The following KDM5B variants were observed in gnomAD, a reference collection of about 807,000 sequenced individuals.
The protein encoded by KDM5B is lysine demethylase 5B, also known as lysine-specific demethylase 5B.
In KDM5B, 144 loss-of-function variants were observed where a neutral mutation model predicts 193.4. The ratio of observed to expected loss-of-function variants is 0.74; its 90% CI spans 0.65 to 0.86. The LOEUF is 0.86. Among genes scored for constraint, KDM5B ranks in the 40% least tolerant of loss-of-function variants. The pLI, the probability that KDM5B is intolerant of heterozygous loss-of-function variation, is 0.00. For synonymous variants in KDM5B, 668 were observed against 682.6 expected (o/e 0.98, Z 0.33); for missense variants, 1,833 against 1,886.9 (o/e 0.97, Z 0.53).
intron 6 of KDM5B, among the ~76,000 whole-genome samples, chr1:202,763,334 T>C (rs986099705): frequency 2.6e-5 from 4 of 152,178 alleles, no homozygotes; most frequent in Non-Finnish European, 5.9e-5. Flanking sequence ...CATAAAGTAT[T>C]TAATCCTTCA....
chr1:202,756,826 T>C (rs1490691270), intron 9 of KDM5B, among the ~76,000 whole-genome samples: 30 of 152,262 alleles, frequency 2.0e-4, no homozygotes, highest in Admixed American at 2.0e-3. Flanking sequence ...CTGAATGACG[T>C]ATAGCACTGT....
chr1:202,784,153 G>C (rs1657313363), intron 1 of KDM5B, among the ~76,000 whole-genome samples: 1 of 152,146 alleles, frequency 6.6e-6, no homozygotes, highest in South Asian at 2.1e-4. Context: ...CTCTGTAGAG[G>C]ATGTGCTATT....
At chr1:202,779,754 G>T (rs12728065) in intron 1 of KDM5B, among the ~76,000 whole-genome samples, 3,396 of 151,242 alleles carry the variant, frequency 0.022, 44 homozygotes, top group Non-Finnish European at 0.035. Context: ...AGTGAGCCAA[G>T]ATCATGCCTT....
chr1:202,729,732 C>T lies in KDM5B; in HGVS notation c.4472G>A (p.Ser1491Asn). Residue 1491 changes from serine (S) to asparagine (N), a missense_variant, in exon 26 of 27, where the codon AGC becomes AAC. By Grantham distance (46) the Ser-to-Asn change is conservative. Transcript: ENST00000367265. ...EDEDAICPAVSCLQPEGDEVD... is the reference protein window; with the variant it reads ...EDEDAICPAVNCLQPEGDEVD... ...CTCATCTCCTTCTGGCTGCAGGCAG[C>T]TCACAGCTGGGCAGATGGCATCTTC... is the stretch of plus-strand genomic sequence containing the variant. 1.2e-6 allele frequency: 2 copies of T among 1,613,878 alleles called. No individual in the cohort carries two copies. Among genetic ancestry groups the T allele is most frequent in the Non-Finnish European group, 1.7e-6 (2 of 1,179,822 alleles).
intron 1 of KDM5B, among the ~76,000 whole-genome samples, chr1:202,791,749 T>C (rs1657651263): frequency 6.6e-6 from 1 of 152,108 alleles, no homozygotes; most frequent in Non-Finnish European, 1.5e-5. Flanking sequence ...GATGGAGTCT[T>C]GCTCTGTCAC....
At position 202,773,141 on chromosome 1, in the gene KDM5B, A is replaced by G. The variant is rs762988065; in HGVS notation, c.553T>C (p.Phe185Leu). The change falls in exon 4 of 27, where the codon TTC becomes CTC. Residue 185 changes from phenylalanine (F) to leucine (L), a missense_variant. This residue lies in a region of KDM5B where 355 missense variants were observed against 374.9 expected (regional missense o/e 0.95). Transcript: ENST00000367265. ...ACCCTTAGGCTGTCTCCGGACAGGA[A>G]TAAGTTGTAGGGGTTGAGAATTCGT... ...YERILNPYNLFLSGDSLRCLQ... is the reference protein window; with the variant it reads ...YERILNPYNLLLSGDSLRCLQ... 1.2e-6 allele frequency: 2 copies of G among 1,613,500 alleles called. No individual in the cohort carries two copies. The highest frequency in any genetic ancestry group is 3.3e-5 in the Admixed American group (2 of 60,010).
At chr1:202,769,040 CT>C (rs527911947) in intron 4 of KDM5B, among the ~76,000 whole-genome samples, 10,337 of 119,506 alleles carry the variant, frequency 0.086, 395 homozygotes, top group African/African-American at 0.13. Flanking sequence ...CTTTTTTTTT[CT>C]TTTTTTTTTT....
At chr1:202,769,109 T>C (rs1401375339) in intron 4 of KDM5B, among the ~76,000 whole-genome samples, 1 of 148,696 alleles carries the variant, frequency 6.7e-6, no homozygotes, top group Non-Finnish European at 1.5e-5. Context: ...CCATCTTGGC[T>C]CACTGCAAGC....
At chr1:202,732,099 G>C (rs1188497453) in intron 23 of KDM5B, 160 bp from the exon 24 acceptor site, 11 of 574,924 alleles carry the variant, frequency 1.9e-5, no homozygotes, top group Non-Finnish European at 3.3e-5. Flanking sequence ...TGGCATTTCA[G>C]AACTGGCCAA....
At chr1:202,808,077 G>T (rs760254375) in intron 1 of KDM5B, 25 bp downstream of exon 1, 3 of 1,604,348 alleles carry the variant, frequency 1.9e-6, no homozygotes, top group Non-Finnish European at 2.6e-6. Flanking sequence ...CCACGAGCTG[G>T]ATCCGGGGTG....
chr1:202,764,050 A>T lies in KDM5B; in HGVS notation c.807T>A (p.Asn269Lys). Residue 269 changes from asparagine (N) to lysine (K), a missense_variant and splice_region_variant, in exon 6 of 27, where the codon AAT becomes AAA. Asn to Lys is a moderately conservative substitution (Grantham distance 94, BLOSUM62 0). Coordinates refer to ENST00000367265, the MANE Select transcript of KDM5B (RefSeq NM_006618.5). ...CTATTCATTGACAAATTTTCTTACC[A>T]TTTTCACATTTTGGAGTTGGACAAC... ...RMGCPTPKCE[N>K]EKEMKSSIKQ... 6.5e-7 allele frequency: 1 copy of T among 1,531,560 alleles called. No homozygotes were observed. The allele number at this position is 1,531,560 out of a possible 1,614,324, so 94.9% of individuals were successfully genotyped here.
At chr1:202,789,235 G>A (rs1415841740) in intron 1 of KDM5B, among the ~76,000 whole-genome samples, 1 of 152,098 alleles carries the variant, frequency 6.6e-6, no homozygotes, top group Admixed American at 6.6e-5. Flanking sequence ...AAAGAAAGAA[G>A]GGCCGGGCAC....
intron 1 of KDM5B, among the ~76,000 whole-genome samples, chr1:202,777,669 G>GA (rs1657015111): frequency 6.6e-6 from 1 of 151,548 alleles, no homozygotes; most frequent in Admixed American, 6.6e-5. Context: ...ATTGTTTAAG[G>GA]TTTTTTTTAG....
chr1:202,760,983 G>A (rs1313601913), intron 7 of KDM5B, among the ~76,000 whole-genome samples: 3 of 151,012 alleles, frequency 2.0e-5, no homozygotes, highest in Non-Finnish European at 4.4e-5. Context: ...AGCCCTTATT[G>A]CACCACTGCG....
chr1:202,799,394 C>G (rs1234504019), intron 1 of KDM5B, among the ~76,000 whole-genome samples: 1 of 152,188 alleles, frequency 6.6e-6, no homozygotes, highest in African/African-American at 2.4e-5. Context: ...TGGCTCGCGC[C>G]TGTAATCCCA....
chr1:202,742,604 TC>T (rs749424328), intron 17 of KDM5B, 50 bp downstream of exon 17: 1 of 1,610,150 alleles, frequency 6.2e-7, no homozygotes, highest in South Asian at 1.1e-5. Flanking sequence ...ACAACAGGTT[TC>T]CAAACATAGG....
chr1:202,775,882 AT>A (rs1558507320), intron 2 of KDM5B, among the ~76,000 whole-genome samples: 1,207 of 73,676 alleles, frequency 0.016, 23 homozygotes, highest in Admixed American at 0.023. Context: ...AAAAAAAAAT[AT>A]ATATATATAT....
intron 11 of KDM5B, 43 bp downstream of exon 11, chr1:202,755,228 C>G: frequency 6.6e-7 from 1 of 1,504,294 alleles, no homozygotes; most frequent in Non-Finnish European, 9.2e-7. Flanking sequence ...GTTTTCCTAT[C>G]CAGCATGCAT....
At chr1:202,754,429 C>T (rs1655927817) in intron 11 of KDM5B, among the ~76,000 whole-genome samples, 1 of 151,932 alleles carries the variant, frequency 6.6e-6, no homozygotes, top group African/African-American at 2.4e-5. Flanking sequence ...TAAAGAAGCC[C>T]AAATATCTGC....
Sources: gnomAD v4.1 joint callset for allele counts (sites outside exome capture counted in the v4.1 genomes callset) on GRCh38, gnomAD v4.1.1 for gene constraint, gnomAD v4.1.1 regional missense constraint, MANE v1.5 for transcripts, NCBI Gene and HGNC (gene_info 2026-07-23, HGNC 2026-07-21) for gene names.